The following DYM variants were observed in gnomAD, a reference collection of about 807,000 sequenced individuals.
The protein encoded by DYM is dyggve-Melchior-Clausen syndrome protein.
In DYM, 78 loss-of-function variants were observed where a neutral mutation model predicts 93.1. That is an observed-to-expected ratio of 0.84 (90% CI 0.70 to 1.01). The LOEUF is 1.01. Ranked by LOEUF, DYM falls within the 50% of genes least tolerant of loss-of-function variation. DYM has a pLI of 0.00. For missense variants in DYM, 789 were observed against 845.0 expected, an observed-to-expected ratio of 0.93 and a Z score of 0.82; for synonymous variants, 321 against 319.7, an observed-to-expected ratio of 1.00 and a Z score of -0.04.
At chr18:49,363,058 C>CAT in intron 6 of DYM, 103 bp downstream of exon 6, 1 of 867,200 alleles carries the variant, frequency 1.2e-6, no homozygotes, top group Non-Finnish European at 2.0e-6. Flanking sequence ...AAAAGGCACA[C>CAT]ATATAAGTTC....
intron 5 of DYM, among the ~76,000 whole-genome samples, chr18:49,373,274 A>C (rs1218705961): frequency 6.6e-6 from 1 of 152,156 alleles, no homozygotes; most frequent in East Asian, 1.9e-4. Context: ...GTTTATTAAG[A>C]AAGTATAGGA....
chr18:49,241,166 A>C (rs140735826), intron 13 of DYM, among the ~76,000 whole-genome samples: 2 of 152,364 alleles, frequency 1.3e-5, no homozygotes, highest in Non-Finnish European at 2.9e-5. Flanking sequence ...ATCAATGCAC[A>C]GAAGTGATCC....
At chr18:49,132,795 T>C (rs2083484154) in intron 15 of DYM, among the ~76,000 whole-genome samples, 1 of 152,190 alleles carries the variant, frequency 6.6e-6, no homozygotes, top group Non-Finnish European at 1.5e-5. Context: ...TCTATTGATG[T>C]ACTCATAGTA....
intron 5 of DYM, among the ~76,000 whole-genome samples, chr18:49,371,818 A>G (rs2067072306): frequency 1.3e-5 from 2 of 152,190 alleles, no homozygotes. Flanking sequence ...CTCCCTAACA[A>G]TCTGCTACCA....
At chr18:49,283,933 C>G (rs138556723) in intron 9 of DYM, among the ~76,000 whole-genome samples, 2 of 152,262 alleles carry the variant, frequency 1.3e-5, no homozygotes, top group Admixed American at 1.3e-4. Context: ...TTTTTCAATA[C>G]TAACACTGTA....
At chr18:49,264,999 G>T (rs1030652376) in intron 11 of DYM, among the ~76,000 whole-genome samples, 7 of 152,212 alleles carry the variant, frequency 4.6e-5, no homozygotes, top group Admixed American at 4.6e-4. Flanking sequence ...AGGTATGAGA[G>T]GTGGTTCATG....
At chr18:49,339,244 G>C (rs377743344) in intron 6 of DYM, among the ~76,000 whole-genome samples, 1 of 152,162 alleles carries the variant, frequency 6.6e-6, no homozygotes, top group African/African-American at 2.4e-5. Context: ...AGACACACAC[G>C]CGTGCATGCG....
chr18:49,127,487 T>C (rs997121705), intron 15 of DYM, among the ~76,000 whole-genome samples: 5 of 152,208 alleles, frequency 3.3e-5, no homozygotes, highest in African/African-American at 1.2e-4. Flanking sequence ...GAGAAGCATA[T>C]GTATCTTGTT....
chr18:49,231,060 T>G (rs1465774295), intron 13 of DYM, among the ~76,000 whole-genome samples: 2 of 152,226 alleles, frequency 1.3e-5, no homozygotes, highest in Non-Finnish European at 2.9e-5. Flanking sequence ...ATCTTTTAGA[T>G]AGATATATTA....
chr18:49,458,842 C>T (rs1344164506), intron 1 of DYM, among the ~76,000 whole-genome samples: 1 of 152,034 alleles, frequency 6.6e-6, no homozygotes, highest in Non-Finnish European at 1.5e-5. Context: ...CTGCCTCCCA[C>T]CACCACCAAC....
intron 6 of DYM, among the ~76,000 whole-genome samples, chr18:49,335,189 T>G (rs1452515721): frequency 6.6e-6 from 1 of 152,196 alleles, no homozygotes; most frequent in African/African-American, 2.4e-5. Context: ...ACCCACGCAA[T>G]TAGCCTTATT....
chr18:49,123,264 G>A (rs1178728333), intron 15 of DYM, among the ~76,000 whole-genome samples: 2 of 151,992 alleles, frequency 1.3e-5, no homozygotes, highest in South Asian at 4.1e-4. Flanking sequence ...CAAATCTATA[G>A]GTTATGTGGT....
chr18:49,215,944 G>A (rs560395068), intron 13 of DYM, among the ~76,000 whole-genome samples: 9 of 146,778 alleles, frequency 6.1e-5, no homozygotes, highest in Admixed American at 2.1e-4. Flanking sequence ...GAAGCAGGGC[G>A]AGGCATTGCC....
At chr18:49,222,767 T>C (rs187137074) in intron 13 of DYM, among the ~76,000 whole-genome samples, 41 of 152,284 alleles carry the variant, frequency 2.7e-4, no homozygotes, top group African/African-American at 9.4e-4. Flanking sequence ...TCTTTCCAAC[T>C]ATGATTACAC....
At chr18:49,453,208 T>G (rs2082674939) in intron 1 of DYM, among the ~76,000 whole-genome samples, 1 of 77,348 alleles carries the variant, frequency 1.3e-5, no homozygotes, top group South Asian at 4.4e-4. Context: ...CTTGGAGAAC[T>G]TTTGTGTCGA....
At chr18:49,148,675 C>G (rs1600146222) in intron 15 of DYM, among the ~76,000 whole-genome samples, 1 of 152,226 alleles carries the variant, frequency 6.6e-6, no homozygotes, top group African/African-American at 2.4e-5. Context: ...AATTCTCAGT[C>G]TGTCACTCTA....
chr18:49,199,551 C>G (rs1393426415), intron 14 of DYM, among the ~76,000 whole-genome samples: 1 of 152,052 alleles, frequency 6.6e-6, no homozygotes, highest in Non-Finnish European at 1.5e-5. Context: ...ATATGTAATT[C>G]AAAAGGAAAC....
At chr18:49,454,992 G>C (rs1337288521) in intron 1 of DYM, among the ~76,000 whole-genome samples, 1 of 149,814 alleles carries the variant, frequency 6.7e-6, no homozygotes, top group Non-Finnish European at 1.5e-5. Context: ...TCAAGGAGCT[G>C]CTCTCCTCTC....
At chr18:49,146,895 C>G (rs1219474283) in intron 15 of DYM, among the ~76,000 whole-genome samples, 1 of 152,152 alleles carries the variant, frequency 6.6e-6, no homozygotes. Context: ...CAAGTCAATC[C>G]TAAGCCAAAA....
Sources: gnomAD v4.1 joint callset for allele counts (sites outside exome capture counted in the v4.1 genomes callset) on GRCh38, gnomAD v4.1.1 for gene constraint, MANE v1.5 for transcripts, NCBI Gene and HGNC (gene_info 2026-07-23, HGNC 2026-07-21) for gene names.